The following CLASP1 variants were observed in gnomAD, a reference collection of about 807,000 sequenced individuals.
CLASP1 encodes the protein cytoplasmic linker associated protein 1, also known as CLIP-associating protein 1.
CLASP1 carries 38 observed loss-of-function variants against 192.3 expected under a neutral mutation model. The ratio of observed to expected loss-of-function variants is 0.20; its 90% CI spans 0.15 to 0.26. CLASP1 has a LOEUF of 0.26. Among genes scored for constraint, CLASP1 ranks in the 10% least tolerant of loss-of-function variants. The pLI is 1.00. For synonymous variants in CLASP1, 691 were observed against 712.8 expected (o/e 0.97, Z 0.49); for missense variants, 1,433 against 1,932.5 (o/e 0.74, Z 4.85).
In CLASP1 at chr2:121,606,818, GAGGCCACGGC is replaced by G. The variant is rs1182789473; in HGVS notation, c.-285-648_-285-639del. ...CACGCCTGTAATCCCAACACTTTGG[GAGGCCACGGC>G]AGGCCGATCATTTGAGGTCAGGAGT... On this transcript the variant is annotated intron_variant, in intron 1 of 39. Transcript: ENST00000263710. Among the ~76,000 whole-genome samples, 6 of 152,354 alleles carry G rather than the reference GAGGCCACGGC, an allele frequency of 3.9e-5. No individual in the cohort carries two copies. The East Asian group carries it at 1.2e-3, about 29-fold the overall frequency.
At chr2:121,454,407 C>G (rs1279032658) in intron 14 of CLASP1, among the ~76,000 whole-genome samples, 6 of 152,216 alleles carry the variant, frequency 3.9e-5, no homozygotes, top group Non-Finnish European at 8.8e-5. Flanking sequence ...TCACCAGAAT[C>G]TGACCTTGCT....
chr2:121,467,101 T>A (rs911354906), intron 9 of CLASP1, among the ~76,000 whole-genome samples: 1 of 152,228 alleles, frequency 6.6e-6, no homozygotes, highest in African/African-American at 2.4e-5. Context: ...ATTAGACTGC[T>A]GAGGATAATG....
chr2:121,589,784 TG>T (rs779532862), intron 2 of CLASP1, among the ~76,000 whole-genome samples: 3 of 152,104 alleles, frequency 2.0e-5, no homozygotes, highest in South Asian at 2.1e-4. Context: ...TAGATTTTGA[TG>T]TTTTTTTCTC....
chr2:121,526,946 C>T (rs556259087), intron 5 of CLASP1, among the ~76,000 whole-genome samples: 1 of 152,292 alleles, frequency 6.6e-6, no homozygotes, highest in African/African-American at 2.4e-5. Flanking sequence ...GGTATTACTA[C>T]ACACATATAA....
At chr2:121,430,820 G>C (rs1157706663) in intron 19 of CLASP1, among the ~76,000 whole-genome samples, 2 of 152,020 alleles carry the variant, frequency 1.3e-5, no homozygotes, top group Non-Finnish European at 2.9e-5. Context: ...AGTATTAGGA[G>C]TACCTAGAGA....
chr2:121,422,887 G>T (rs2079746321), intron 22 of CLASP1, among the ~76,000 whole-genome samples: 1 of 151,958 alleles, frequency 6.6e-6, no homozygotes, highest in South Asian at 2.1e-4. Flanking sequence ...GAATTTGTTG[G>T]TTTGGGAATT....
In CLASP1 at chr2:121,338,871, A is replaced by T. The variant is rs1166843233; in HGVS notation, c.*1990T>A. 3.9e-5 allele frequency: 6 copies of T among 152,604 alleles called. No individual in the cohort carries two copies. The East Asian group carries it at 1.2e-3, about 29-fold the overall frequency. The allele number at this position is 152,604 out of a possible 1,614,324, so 9.5% of individuals were successfully genotyped here. ...TTAGGAATAAAGAAACTCATGGATA[A>T]CCTAGCCCGACGCACATTCCTGCAA... On this transcript the variant is annotated 3_prime_UTR_variant, in exon 40 of 40. Coordinates refer to ENST00000263710, the Ensembl canonical transcript of CLASP1.
chr2:121,557,262 G>C lies in CLASP1; in HGVS notation c.196-26937C>G, dbSNP rs114299783. On this transcript the variant is annotated intron_variant, in intron 2 of 39. Coordinates refer to ENST00000263710, the Ensembl canonical transcript of CLASP1. ...TTCACTCAGTAGATAGCTTAAAGCAGTGGCTTCTGAACTTTTTGATTACAT... is the reference window on the plus strand; with the variant it reads ...TTCACTCAGTAGATAGCTTAAAGCACTGGCTTCTGAACTTTTTGATTACAT... 1.8e-3 allele frequency among the ~76,000 whole-genome samples: 270 copies of C among 152,314 alleles called. 1 individual carries two copies. Among genetic ancestry groups the C allele is most frequent in the Non-Finnish European group, 2.8e-3 (190 of 68,028 alleles).
At chr2:121,588,610 A>C (rs2062004271) in intron 2 of CLASP1, among the ~76,000 whole-genome samples, 2 of 152,184 alleles carry the variant, frequency 1.3e-5, no homozygotes, top group Admixed American at 1.3e-4. Context: ...GTCTCCATGA[A>C]GTATGCAGTA....
intron 2 of CLASP1, among the ~76,000 whole-genome samples, chr2:121,555,448 G>A (rs2058459540): frequency 6.6e-6 from 1 of 152,150 alleles, no homozygotes; most frequent in Admixed American, 6.5e-5. Context: ...CAACCTTCCA[G>A]AAGATAGGTT....
At chr2:121,517,150 G>A (rs1575598517) in intron 6 of CLASP1, among the ~76,000 whole-genome samples, 1 of 152,330 alleles carries the variant, frequency 6.6e-6, no homozygotes, top group Non-Finnish European at 1.5e-5. Context: ...ATGTTAACTG[G>A]TAAATACACT....
intron 2 of CLASP1, 89 bp from the exon 3 acceptor site, chr2:121,530,414 C>A: frequency 1.0e-6 from 1 of 975,516 alleles, no homozygotes; most frequent in Non-Finnish European, 1.6e-6. Context: ...TAGACATTTC[C>A]GGCCCAGACG....
exon 14 of CLASP1, chr2:121,457,747 A>C: frequency 6.2e-7 from 1 of 1,612,910 alleles, no homozygotes; most frequent in South Asian, 1.1e-5. Context: ...TAACCTAGGG[A>C]TGTGTGTGTG....
intron 37 of CLASP1, among the ~76,000 whole-genome samples, chr2:121,350,783 C>T (rs1171439897): frequency 6.6e-6 from 1 of 152,170 alleles, no homozygotes; most frequent in African/African-American, 2.4e-5. Flanking sequence ...TGGCACTTAC[C>T]ACTACAAAAC....
intron 1 of CLASP1, among the ~76,000 whole-genome samples, chr2:121,628,379 TA>T (rs1486103208): frequency 1.3e-5 from 2 of 152,050 alleles, no homozygotes; most frequent in Non-Finnish European, 2.9e-5. Flanking sequence ...AACGGTCACT[TA>T]AGAATGTAAT....
intron 37 of CLASP1, among the ~76,000 whole-genome samples, chr2:121,356,241 A>C (rs2065361667): frequency 1.3e-5 from 2 of 152,216 alleles, no homozygotes; most frequent in African/African-American, 4.8e-5. Flanking sequence ...GTGGAAGCTA[A>C]GGAAGAGTTT....
At chr2:121,492,414 A>AAAAT (rs2093355380) in intron 8 of CLASP1, among the ~76,000 whole-genome samples, 1 of 147,642 alleles carries the variant, frequency 6.8e-6, no homozygotes, top group Non-Finnish European at 1.5e-5. Context: ...AAAAAAAAAA[A>AAAAT]GTGAAAAGAT....
At chr2:121,635,910 C>T (rs558641816) in intron 1 of CLASP1, among the ~76,000 whole-genome samples, 2 of 152,318 alleles carry the variant, frequency 1.3e-5, no homozygotes, top group East Asian at 3.9e-4. Flanking sequence ...AGCTAGTTAA[C>T]AAATTTTCAG....
At chr2:121,505,862 T>C (rs1324258450) in intron 7 of CLASP1, among the ~76,000 whole-genome samples, 6 of 152,052 alleles carry the variant, frequency 3.9e-5, no homozygotes, top group African/African-American at 1.4e-4. Context: ...GAAAATTTTA[T>C]ATATAAATTT....
Sources: gnomAD v4.1 joint callset for allele counts (sites outside exome capture counted in the v4.1 genomes callset) on GRCh38, gnomAD v4.1.1 for gene constraint, MANE v1.5 for transcripts, NCBI Gene and HGNC (gene_info 2026-07-23, HGNC 2026-07-21) for gene names.